Variants in SUMF1 observed in about 807,000 individuals in gnomAD.
The protein encoded by SUMF1 is sulfatase modifying factor 1, also known as formylglycine-generating enzyme.
In SUMF1, 48 loss-of-function variants were observed where a neutral mutation model predicts 47.6. The ratio of observed to expected loss-of-function variants is 1.01; its 90% confidence interval spans 0.80 to 1.28. The LOEUF is 1.28. SUMF1 is among the 50% of genes most tolerant of loss of function. The pLI, the probability that SUMF1 is intolerant of heterozygous loss-of-function variation, is 0.00. For missense variants in SUMF1, 571 were observed against 485.4 expected (o/e 1.18, Z -1.66); for synonymous variants, 230 against 192.1 (o/e 1.20, Z -1.63).
intron 8 of SUMF1, among the ~76,000 whole-genome samples, chr3:4,274,571 A>T (rs1697374860): frequency 6.6e-6 from 1 of 152,182 alleles, no homozygotes; most frequent in African/African-American, 2.4e-5. Flanking sequence ...ATAATACAAA[A>T]ATATCAGACT....
chr3:4,307,331 G>T (rs1485935735), intron 8 of SUMF1, among the ~76,000 whole-genome samples: 1 of 152,120 alleles, frequency 6.6e-6, no homozygotes, highest in Non-Finnish European at 1.5e-5. Context: ...CTTGTCCTAT[G>T]GATAGGAACC....
chr3:4,370,880 C>T (rs1700147954), intron 8 of SUMF1, among the ~76,000 whole-genome samples: 1 of 152,166 alleles, frequency 6.6e-6, no homozygotes, highest in Non-Finnish European at 1.5e-5. Flanking sequence ...TTCCCCACCA[C>T]CAAAATTTAG....
chr3:4,308,398 A>G (rs1290744355), intron 8 of SUMF1, among the ~76,000 whole-genome samples: 1 of 129,728 alleles, frequency 7.7e-6, no homozygotes, highest in East Asian at 2.8e-4. Context: ...TATGAAATAA[A>G]TAAGATGTTT....
At chr3:4,122,338 G>A (rs899596524) in intron 8 of SUMF1, among the ~76,000 whole-genome samples, 12 of 152,078 alleles carry the variant, frequency 7.9e-5, no homozygotes, top group Admixed American at 5.2e-4. Context: ...TGAAATATTC[G>A]GAATAGGTAA....
intron 4 of SUMF1, 84 bp from the exon 5 acceptor site, chr3:4,418,216 C>A: frequency 2.5e-6 from 4 of 1,585,530 alleles, no homozygotes; most frequent in South Asian, 2.3e-5. Flanking sequence ...GCCCATAATC[C>A]CCCTCAGTTC....
At chr3:4,138,020 T>C (rs753291995) in intron 8 of SUMF1, among the ~76,000 whole-genome samples, 8 of 151,830 alleles carry the variant, frequency 5.3e-5, no homozygotes, top group Non-Finnish European at 7.4e-5. Flanking sequence ...ACAGTAGAAA[T>C]GAACAATCCC....
intron 8 of SUMF1, among the ~76,000 whole-genome samples, chr3:4,218,837 T>TAC (rs1695999720): frequency 6.6e-6 from 1 of 152,196 alleles, no homozygotes. Context: ...AAGGTCTAAT[T>TAC]ACACAAGCTG....
In SUMF1 at chr3:4,151,389, GTA is replaced by G. The variant is rs1232483857; in HGVS notation, c.1015-82646_1015-82645del. Among the ~76,000 whole-genome samples the G allele has an allele frequency of 9.6e-3, 1,020 of 105,762 alleles. 51 individuals are homozygous for G. The highest frequency in any genetic ancestry group is 0.035 in the African/African-American group (943 of 27,204). The allele number at this position is 105,762 out of a possible 152,430, so 69.4% of individuals were successfully genotyped here. A position where few individuals can be genotyped will look rare whatever the true frequency, so the allele number is the denominator to read the frequency against. ...TATATATACATGTGTGTATATATAT[GTA>G]TATATATGTATATGTATATATGTAT... On this transcript the variant is annotated intron_variant and NMD_transcript_variant, in intron 8 of 12. Coordinates refer to the SUMF1 transcript ENST00000448413.
At chr3:4,278,255 G>A (rs944416287) in intron 8 of SUMF1, among the ~76,000 whole-genome samples, 13 of 151,960 alleles carry the variant, frequency 8.6e-5, no homozygotes, top group Non-Finnish European at 1.6e-4. Context: ...AATTATCAGT[G>A]AAGTAGGTAA....
At position 4,456,662 on chromosome 3, in the gene SUMF1, A is replaced by ATATATACG. The variant is rs1445260404; in HGVS notation, c.271-3614_271-3613insCGTATATA. On this transcript the variant is annotated intron_variant, in intron 1 of 8. Transcript: ENST00000272902. ...TGTATATATATATATGTGTGTGTAT[A>ATATATACG]TATATATATACGTGTATATATATAT... is the stretch of plus-strand genomic sequence containing the variant. Among the ~76,000 whole-genome samples the ATATATACG allele has an allele frequency of 4.6e-4, 67 of 145,062 alleles. 2 individuals carry two copies. The highest frequency in any genetic ancestry group is 1.4e-3 in the African/African-American group (57 of 39,572).
chr3:4,071,835 A>G (rs746752785), intron 8 of SUMF1, among the ~76,000 whole-genome samples: 1 of 152,186 alleles, frequency 6.6e-6, no homozygotes, highest in Non-Finnish European at 1.5e-5. Flanking sequence ...CCTGGGACAG[A>G]GCACCTGAGG....
intron 1 of SUMF1, among the ~76,000 whole-genome samples, chr3:4,456,773 C>T (rs200251010): frequency 0.24 from 886 of 3,742 alleles, 6 homozygotes; most frequent in East Asian, 0.28. Context: ...TATATATACA[C>T]ATATATACGT....
chr3:4,202,637 G>A (rs1028353740), intron 8 of SUMF1, among the ~76,000 whole-genome samples: 1 of 151,898 alleles, frequency 6.6e-6, no homozygotes, highest in South Asian at 2.1e-4. Flanking sequence ...TTCTATTTCT[G>A]TGAAGAATGT....
chr3:4,450,462 T>C (rs1003577830), intron 2 of SUMF1, among the ~76,000 whole-genome samples: 1 of 152,154 alleles, frequency 6.6e-6, no homozygotes, highest in Non-Finnish European at 1.5e-5. Flanking sequence ...TCACCCCTAA[T>C]CTTCTTCCTG....
intron 8 of SUMF1, among the ~76,000 whole-genome samples, chr3:4,182,005 T>C (rs1695106441): frequency 6.6e-6 from 1 of 152,234 alleles, no homozygotes; most frequent in Admixed American, 6.5e-5. Context: ...AATTTCATTG[T>C]TTGTTATAGT....
intron 8 of SUMF1, among the ~76,000 whole-genome samples, chr3:4,095,841 T>C (rs888606895): frequency 2.0e-5 from 3 of 152,160 alleles, no homozygotes; most frequent in Admixed American, 6.5e-5. Context: ...CAGCTAGTGG[T>C]AGATAACTCT....
At chr3:4,131,538 G>A (rs1162920194) in intron 8 of SUMF1, among the ~76,000 whole-genome samples, 1 of 152,166 alleles carries the variant, frequency 6.6e-6, no homozygotes, top group African/African-American at 2.4e-5. Flanking sequence ...AGTACTTCGA[G>A]CAGTGCACCT....
chr3:4,381,774 A>G (rs929883174), intron 7 of SUMF1, among the ~76,000 whole-genome samples: 9 of 152,178 alleles, frequency 5.9e-5, no homozygotes, highest in African/African-American at 1.9e-4. Flanking sequence ...GCCAGGTGCA[A>G]TGGCTCATGC....
At chr3:4,329,428 A>G (rs1010548682) in intron 8 of SUMF1, among the ~76,000 whole-genome samples, 9 of 152,206 alleles carry the variant, frequency 5.9e-5, no homozygotes, top group Non-Finnish European at 1.0e-4. Context: ...ACTTCTGTGT[A>G]CCCACAGGCT....
Sources: gnomAD v4.1 joint callset for allele counts (sites outside exome capture counted in the v4.1 genomes callset) on GRCh38, gnomAD v4.1.1 for gene constraint, MANE v1.5 for transcripts, NCBI Gene and HGNC (gene_info 2026-07-23, HGNC 2026-07-21) for gene names.